The following LAPTM4A variants were observed in gnomAD, a reference collection of about 807,000 sequenced individuals.
The protein encoded by LAPTM4A is lysosomal-associated transmembrane protein 4A.
Under a neutral mutation model 29.9 loss-of-function variants are expected in LAPTM4A, and 19 were observed. The observed-to-expected ratio is 0.64, with a 90% CI of 0.44 to 0.93. LAPTM4A has a LOEUF of 0.93. Among genes scored for constraint, LAPTM4A ranks in the 40% least tolerant of loss-of-function variants. The pLI is 0.00. For synonymous variants in LAPTM4A, 105 were observed against 102.1 expected (o/e 1.03, Z -0.17); for missense variants, 293 against 288.5 (o/e 1.02, Z -0.11).
intron 1 of LAPTM4A, among the ~76,000 whole-genome samples, chr2:20,048,799 CTG>C (rs1673993876): frequency 6.6e-6 from 1 of 152,188 alleles, no homozygotes; most frequent in Non-Finnish European, 1.5e-5. Flanking sequence ...TATTGTTTCT[CTG>C]TCTTAGTAAA....
intron 2 of LAPTM4A, 47 bp from the exon 3 acceptor site, chr2:20,037,661 A>C: frequency 7.9e-7 from 1 of 1,270,930 alleles, no homozygotes; most frequent in Non-Finnish European, 1.1e-6. Flanking sequence ...TACACAACAA[A>C]AAGAACAAAA....
chr2:20,040,789 C>A, intron 2 of LAPTM4A, 102 bp downstream of exon 2: 1 of 1,103,450 alleles, frequency 9.1e-7, no homozygotes, highest in Non-Finnish European at 1.3e-6. Flanking sequence ...AACAATATCA[C>A]CCAGTGACAT....
At chr2:20,040,666 G>A (rs949079542) in intron 2 of LAPTM4A, among the ~76,000 whole-genome samples, 3 of 152,062 alleles carry the variant, frequency 2.0e-5, no homozygotes, top group African/African-American at 4.8e-5. Context: ...TACAGTATTC[G>A]GTACAGTAAC....
chr2:20,033,699 T>C (rs1673623974), intron 6 of LAPTM4A, among the ~76,000 whole-genome samples: 1 of 152,190 alleles, frequency 6.6e-6, no homozygotes, highest in Non-Finnish European at 1.5e-5. Context: ...AATCAGTTTG[T>C]AGTCAGAAGA....
Position 20,041,001 on chromosome 2 carries a change from AGGT to A in LAPTM4A, c.119_121del (p.Asn40_Leu41delinsIle), listed in dbSNP as rs1673784586. 1.9e-6 allele frequency: 3 copies of A among 1,613,934 alleles called. No individual in the cohort carries two copies. Among genetic ancestry groups the A allele is most frequent in the Non-Finnish European group, 2.5e-6 (3 of 1,179,812 alleles). On this transcript the variant is annotated inframe_deletion, in exon 2 of 7. Transcript: ENST00000175091. ...CACAGTCAGCAAAATTGCCATCAAT[AGGT>A]TTACTACCTGGAAAAGATAACATTC...
At position 20,033,259 on chromosome 2, in the gene LAPTM4A, T is replaced by C. The variant is rs773242612; in HGVS notation, c.648A>G (p.Glu216=). The C allele has an allele frequency of 1.9e-6, 3 of 1,614,108 alleles. No individual in the cohort carries two copies. Among genetic ancestry groups the C allele is most frequent in the Admixed American group, 3.3e-5 (2 of 60,020 alleles). ...APPQYVLPTY[E]MAVKMPEKEP... ...CTTTTTCAGGCATTTTCACGGCCAT[T>C]TCATAGGTTGGCAAAACGTACTAAA... Residue 216 remains glutamate (E), a synonymous_variant, in exon 7 of 7, where the codon GAA becomes GAG. Coordinates refer to ENST00000175091, the MANE Select transcript of LAPTM4A (RefSeq NM_014713.5).
At chr2:20,035,645 G>C (rs911160760) in intron 4 of LAPTM4A, among the ~76,000 whole-genome samples, 1 of 152,170 alleles carries the variant, frequency 6.6e-6, no homozygotes, top group Non-Finnish European at 1.5e-5. Context: ...AGCCCTGACT[G>C]TGTACAAGGC....
In LAPTM4A at chr2:20,047,097, A is replaced by C. The variant is rs187964422; in HGVS notation, c.111+4313T>G. 1.3e-3 allele frequency among the ~76,000 whole-genome samples: 200 copies of C among 152,176 alleles called. 2 individuals carry two copies. Among genetic ancestry groups the C allele is most frequent in the Admixed American group, 0.011 (170 of 15,286 alleles). ...AAACAGATCCCCCTGGCTAGGAAGT[A>C]AAGAAAGCTTGGCTGGGCATGGTAG... On this transcript the variant is annotated intron_variant, in intron 1 of 6. Coordinates refer to ENST00000175091, the MANE Select transcript of LAPTM4A (RefSeq NM_014713.5).
chr2:20,035,407 T>G (rs575487914), intron 4 of LAPTM4A, among the ~76,000 whole-genome samples: 8 of 152,346 alleles, frequency 5.3e-5, no homozygotes, highest in African/African-American at 1.9e-4. Flanking sequence ...CTTGCATCAT[T>G]AACTCAGGAG....
rs1804065 is a variant in LAPTM4A at position 20,032,875 on chromosome 2, G to C, written c.*330C>G. ...GGGTAGCAAGTAACAAAATGCAAAC[G>C]ATTATATAAAGAAAGTGCAGTTAAA... is the stretch of plus-strand genomic sequence containing the variant. On this transcript the variant is annotated 3_prime_UTR_variant, in exon 7 of 7. Transcript: ENST00000175091. The C allele has an allele frequency of 3.7e-6, 1 of 267,138 alleles. No homozygotes were observed. The highest frequency in any genetic ancestry group is 2.2e-5 in the African/African-American group (1 of 45,674). The allele number at this position is 267,138 out of a possible 1,614,324, so 16.5% of individuals were successfully genotyped here.
At chr2:20,035,892 T>C (rs921545922) in intron 4 of LAPTM4A, among the ~76,000 whole-genome samples, 1 of 152,048 alleles carries the variant, frequency 6.6e-6, no homozygotes, top group East Asian at 1.9e-4. Flanking sequence ...CCTAATTACA[T>C]TTTCATTTAA....
intron 1 of LAPTM4A, among the ~76,000 whole-genome samples, chr2:20,048,589 A>T (rs1373226009): frequency 1.3e-5 from 2 of 152,252 alleles, no homozygotes; most frequent in Non-Finnish European, 2.9e-5. Flanking sequence ...AGTCACTGAT[A>T]GCGAGGGAGA....
At chr2:20,040,105 C>T (rs1194978051) in intron 2 of LAPTM4A, among the ~76,000 whole-genome samples, 3 of 152,158 alleles carry the variant, frequency 2.0e-5, no homozygotes, top group Non-Finnish European at 4.4e-5. Context: ...GGCCTAATCA[C>T]CACCCAAGGG....
In LAPTM4A at chr2:20,033,177, A is replaced by G; in HGVS notation, c.*28T>C. 6.3e-7 allele frequency: 1 copy of G among 1,577,490 alleles called. No individual in the cohort carries two copies. Among genetic ancestry groups the G allele is most frequent in the Non-Finnish European group, 8.7e-7 (1 of 1,146,604 alleles). The stretch of plus-strand genomic sequence containing the variant: ...ACATAAACAAACAAAAAGCTGGTAT[A>G]GGATTTATTGTCAAAGGCAGAATTT... On this transcript the variant is annotated 3_prime_UTR_variant, in exon 7 of 7. Coordinates refer to ENST00000175091, the MANE Select transcript of LAPTM4A (RefSeq NM_014713.5).
At chr2:20,038,079 T>A (rs180689789) in intron 2 of LAPTM4A, among the ~76,000 whole-genome samples, 1 of 152,322 alleles carries the variant, frequency 6.6e-6, no homozygotes, top group Non-Finnish European at 1.5e-5. Flanking sequence ...AAGGAATGGC[T>A]GGCAATTGCT....
At chr2:20,048,113 T>A (rs943917696) in intron 1 of LAPTM4A, among the ~76,000 whole-genome samples, 1 of 152,194 alleles carries the variant, frequency 6.6e-6, no homozygotes, top group Non-Finnish European at 1.5e-5. Context: ...AGCCATATAT[T>A]AAGTCTAAGA....
intron 2 of LAPTM4A, among the ~76,000 whole-genome samples, chr2:20,039,735 A>T (rs1338123491): frequency 6.6e-6 from 1 of 151,942 alleles, no homozygotes; most frequent in Non-Finnish European, 1.5e-5. Context: ...TTTTAAACAA[A>T]TAAATAATAT....
At chr2:20,050,417 C>T (rs567723213) in intron 1 of LAPTM4A, among the ~76,000 whole-genome samples, 23 of 152,304 alleles carry the variant, frequency 1.5e-4, no homozygotes, top group Non-Finnish European at 3.1e-4. Context: ...ACAGTATCAC[C>T]AACGTCACCC....
rs1311088279 is a variant in LAPTM4A, at chr2:20,037,319, T to C, written c.429A>G (p.Gln143=). 8.1e-6 allele frequency: 13 copies of C among 1,608,462 alleles called. No homozygotes were observed. Among genetic ancestry groups the C allele is most frequent in the Non-Finnish European group, 1.1e-5 (13 of 1,177,652 alleles). Residue 143 remains glutamine (Q), a synonymous_variant, in exon 4 of 7, where the codon CAA becomes CAG. Transcript: ENST00000175091. Reference sequence around the variant, plus strand: ...TTTAATGAGCATACACACTTACTAGTTGATCCAGATATTCTTTGATTCTTG... The same window carrying C: ...TTTAATGAGCATACACACTTACTAGCTGATCCAGATATTCTTTGATTCTTG... ...YLPRIKEYLD[Q]LPDFPYKDDL... is the part of the protein sequence containing the mutation.
Sources: gnomAD v4.1 joint callset for allele counts (sites outside exome capture counted in the v4.1 genomes callset) on GRCh38, gnomAD v4.1.1 for gene constraint, MANE v1.5 for transcripts, NCBI Gene and HGNC (gene_info 2026-07-23, HGNC 2026-07-21) for gene names.